The following COL5A2 variants were observed in gnomAD, a reference collection of about 807,000 sequenced individuals.
COL5A2 encodes the protein collagen type V alpha 2 chain, also known as collagen alpha-2(V) chain.
A neutral mutation model predicts 208.2 loss-of-function variants in COL5A2; 23 were observed. The ratio of observed to expected loss-of-function variants is 0.11; its 90% CI spans 0.08 to 0.16. The LOEUF (loss-of-function observed/expected upper bound fraction) is 0.16. COL5A2 is among the 10% of genes least tolerant of loss of function. The pLI, the probability that COL5A2 is intolerant of heterozygous loss-of-function variation, is 1.00. For synonymous variants in COL5A2, 625 were observed against 628.5 expected (o/e 0.99, Z 0.08); for missense variants, 1,590 against 1,956.4 (o/e 0.81, Z 3.53).
intron 39 of COL5A2, 38 bp downstream of exon 39, chr2:189,052,873 C>A: frequency 6.2e-7 from 1 of 1,610,484 alleles, no homozygotes; most frequent in Non-Finnish European, 8.5e-7. Context: ...AAACATGGGG[C>A]ACTTGACTCA....
At chr2:189,111,099 T>C (rs1474939052) in intron 1 of COL5A2, among the ~76,000 whole-genome samples, 1 of 152,168 alleles carries the variant, frequency 6.6e-6, no homozygotes, top group Non-Finnish European at 1.5e-5. Flanking sequence ...AATGAGTGAA[T>C]TATGTTTGCA....
the COL5A2 span, among the ~76,000 whole-genome samples, chr2:189,309,362 C>T: frequency 6.6e-6 from 1 of 152,160 alleles, no homozygotes; most frequent in Non-Finnish European, 1.5e-5. Flanking sequence ...TGATATACGA[C>T]CTTCTAGGAG....
chr2:189,176,841 T>G (rs1688688061), intron 1 of COL5A2, among the ~76,000 whole-genome samples: 1 of 152,208 alleles, frequency 6.6e-6, no homozygotes, highest in African/African-American at 2.4e-5. Context: ...TAATTTTTGT[T>G]ACGTTAGTTT....
the COL5A2 span, among the ~76,000 whole-genome samples, chr2:189,281,550 A>G: frequency 6.6e-6 from 1 of 152,220 alleles, no homozygotes; most frequent in Admixed American, 6.5e-5. Context: ...GTTGTCACCA[A>G]CTCATCTTCA....
At chr2:189,408,177 C>G in the COL5A2 span, among the ~76,000 whole-genome samples, 3 of 152,148 alleles carry the variant, frequency 2.0e-5, no homozygotes, top group South Asian at 6.2e-4. Context: ...TGCAAAGGAC[C>G]CATTTCAAGT....
chr2:189,348,762 G>A, the COL5A2 span, among the ~76,000 whole-genome samples: 3 of 152,182 alleles, frequency 2.0e-5, no homozygotes, highest in African/African-American at 7.2e-5. Flanking sequence ...GGAAAAGAGT[G>A]CTGACTAATT....
rs75042806 is a variant in COL5A2, at chr2:189,053,336, C to T, written c.2553+88G>A. Reference sequence around the variant, plus strand: ...AGAAAACTGTAAATTTTCCAGAATACGACTTCAAAACATATGACAATGATC... The same window carrying T: ...AGAAAACTGTAAATTTTCCAGAATATGACTTCAAAACATATGACAATGATC... On this transcript the variant is annotated intron_variant, in intron 38 of 53. Transcript: ENST00000374866. 3,482 of 1,223,518 alleles carry T rather than the reference C, an allele frequency of 2.8e-3. 37 individuals carry two copies. The highest frequency in any genetic ancestry group is 0.027 in the African/African-American group (1,759 of 66,376). The allele number at this position is 1,223,518 out of a possible 1,614,324, so 75.8% of individuals were successfully genotyped here.
chr2:189,038,150 T>A (rs929806412), intron 51 of COL5A2, among the ~76,000 whole-genome samples: 2 of 152,144 alleles, frequency 1.3e-5, no homozygotes, highest in African/African-American at 2.4e-5. Flanking sequence ...GAGCATAGTA[T>A]CCAATAGGTA....
At chr2:189,224,680 C>CTCGG (rs1689390869) in intron 1 of COL5A2, among the ~76,000 whole-genome samples, 1 of 151,726 alleles carries the variant, frequency 6.6e-6, no homozygotes, top group South Asian at 2.1e-4. Flanking sequence ...CAGAGTGAGA[C>CTCGG]TCTGTCTCAA....
chr2:189,039,693 C>T (rs1685518605), intron 50 of COL5A2, 130 bp from the exon 51 acceptor site: 1 of 854,006 alleles, frequency 1.2e-6, no homozygotes, highest in African/African-American at 1.7e-5. Context: ...ATGACTCGCG[C>T]CCTTTTGTAA....
intron 45 of COL5A2, among the ~76,000 whole-genome samples, chr2:189,046,838 C>T (rs907569715): frequency 2.0e-5 from 3 of 151,832 alleles, no homozygotes; most frequent in Non-Finnish European, 2.9e-5. Context: ...AAATACTTGC[C>T]CGGGCACAGT....
chr2:189,373,488 G>A, the COL5A2 span, among the ~76,000 whole-genome samples: 2 of 152,228 alleles, frequency 1.3e-5, no homozygotes, highest in South Asian at 2.1e-4. Context: ...AACCCACAAC[G>A]GAGGGGAACC....
intron 17 of COL5A2, among the ~76,000 whole-genome samples, chr2:189,074,982 A>G (rs1009835470): frequency 3.9e-5 from 6 of 152,194 alleles, no homozygotes; most frequent in African/African-American, 4.8e-5. Flanking sequence ...CTCAAAAACC[A>G]TTTAACATGG....
the COL5A2 span, among the ~76,000 whole-genome samples, chr2:189,243,344 A>G: frequency 7.9e-5 from 12 of 152,326 alleles, no homozygotes; most frequent in African/African-American, 2.9e-4. Flanking sequence ...ATAAAGACAT[A>G]TCCAAAACTG....
At chr2:189,355,996 T>C in the COL5A2 span, among the ~76,000 whole-genome samples, 1 of 152,162 alleles carries the variant, frequency 6.6e-6, no homozygotes, top group East Asian at 1.9e-4. Context: ...TCTCAGCATT[T>C]GCTTGTGGGT....
chr2:189,417,332 CTA>C, the COL5A2 span, among the ~76,000 whole-genome samples: 1 of 152,016 alleles, frequency 6.6e-6, no homozygotes, highest in African/African-American at 2.4e-5. Flanking sequence ...TTTCTGGAAT[CTA>C]TTTCTATATT....
At chr2:189,121,284 G>T (rs925897629) in intron 1 of COL5A2, among the ~76,000 whole-genome samples, 5 of 151,824 alleles carry the variant, frequency 3.3e-5, no homozygotes, top group African/African-American at 1.2e-4. Context: ...TCATTTCCAA[G>T]GTGTATAATA....
At chr2:189,390,459 C>T in the COL5A2 span, among the ~76,000 whole-genome samples, 1 of 151,908 alleles carries the variant, frequency 6.6e-6, no homozygotes, top group Non-Finnish European at 1.5e-5. Flanking sequence ...AGAGAAAGTC[C>T]CCAAAAGAAT....
At chr2:189,270,871 CAGAG>C in the COL5A2 span, among the ~76,000 whole-genome samples, 1 of 152,212 alleles carries the variant, frequency 6.6e-6, no homozygotes, top group East Asian at 1.9e-4. Context: ...AATCGACAAA[CAGAG>C]AGCCAAATCA....
Sources: gnomAD v4.1 joint callset for allele counts (sites outside exome capture counted in the v4.1 genomes callset) on GRCh38, gnomAD v4.1.1 for gene constraint, MANE v1.5 for transcripts, NCBI Gene and HGNC (gene_info 2026-07-23, HGNC 2026-07-21) for gene names.